The following OTOGL variants were observed in gnomAD, a reference collection of about 807,000 sequenced individuals.
OTOGL encodes the protein otogelin-like protein.
OTOGL carries 285 observed loss-of-function variants against 318.5 expected under a neutral mutation model. The observed-to-expected ratio is 0.89, with a 90% CI of 0.81 to 0.99. The LOEUF is 0.99. Ranked by LOEUF, OTOGL falls within the 50% of genes least tolerant of loss-of-function variation. OTOGL has a pLI of 0.00. For missense variants in OTOGL, 2,899 were observed against 2,845.6 expected (o/e 1.02, Z -0.43); for synonymous variants, 987 against 936.5 (o/e 1.05, Z -0.99).
chr12:80,265,403 T>C (rs1882875839), intron 20 of OTOGL, 193 bp downstream of exon 20: 7 of 654,814 alleles, frequency 1.1e-5, no homozygotes, highest in Non-Finnish European at 1.8e-5. Context: ...ATAAGACCAA[T>C]AACTTTTGAC....
chr12:80,343,526 T>TTTTCTTTTTTTTTTTTTTTTTTTTTTTC (rs1284245758), intron 44 of OTOGL: 4 of 118,156 alleles, frequency 3.4e-5, no homozygotes, highest in Admixed American at 8.8e-5. Context: ...TTTTTTTTTT[T>TTTTCTTTTTTTTTTTTTTTTTTTTTTTC]TTTTTTTTTT....
intron 3 of OTOGL, among the ~76,000 whole-genome samples, chr12:80,211,133 C>G (rs538017694): frequency 3.8e-4 from 58 of 151,900 alleles, no homozygotes; most frequent in African/African-American, 1.3e-3. Context: ...TAAAAGGAGT[C>G]TTTGATGACT....
chr12:80,172,370 A>T (rs1171949974), intron 1 of OTOGL, among the ~76,000 whole-genome samples: 2 of 152,138 alleles, frequency 1.3e-5, no homozygotes, highest in Non-Finnish European at 2.9e-5. Flanking sequence ...CAAGTCCTTG[A>T]TGTCCCTCCT....
intron 11 of OTOGL, among the ~76,000 whole-genome samples, chr12:80,248,467 T>C (rs981059061): frequency 3.5e-5 from 5 of 143,494 alleles, no homozygotes; most frequent in African/African-American, 1.4e-4. Context: ...GCAAATTCTT[T>C]TCTTTAAGAA....
intron 27 of OTOGL, among the ~76,000 whole-genome samples, chr12:80,301,194 TCTTA>T (rs1021701484): frequency 5.9e-5 from 9 of 152,224 alleles, no homozygotes; most frequent in South Asian, 2.1e-4. Context: ...GCTAAATTTG[TCTTA>T]CTTACTTTGA....
intron 1 of OTOGL, among the ~76,000 whole-genome samples, chr12:80,135,937 A>C (rs1379746501): frequency 6.6e-6 from 1 of 152,188 alleles, no homozygotes; most frequent in African/African-American, 2.4e-5. Context: ...TCCTGATTCT[A>C]TAGCAGACTG....
rs186935092 is a variant in OTOGL, at chr12:80,232,102, C to T, written c.612-790C>T. Among the ~76,000 whole-genome samples the T allele has an allele frequency of 4.5e-3, 680 of 152,238 alleles. 2 individuals are homozygous for T. Among genetic ancestry groups the T allele is most frequent in the Non-Finnish European group, 7.4e-3 (504 of 68,026 alleles). On this transcript the variant is annotated intron_variant, in intron 8 of 58. Transcript: ENST00000547103. ...TTAGTTCTCTTCAGTTACCTTATGTCACCCACTTCCTTTATATGTGCATAT... is the reference window on the plus strand; with the variant it reads ...TTAGTTCTCTTCAGTTACCTTATGTTACCCACTTCCTTTATATGTGCATAT...
chr12:80,169,223 C>A (rs1040643528), intron 1 of OTOGL, among the ~76,000 whole-genome samples: 2 of 152,154 alleles, frequency 1.3e-5, no homozygotes, highest in Admixed American at 1.3e-4. Context: ...TTTCCTAGAA[C>A]CTTATCTTCT....
chr12:80,355,279 G>T (rs1592748884), intron 46 of OTOGL, among the ~76,000 whole-genome samples: 1 of 121,280 alleles, frequency 8.2e-6, no homozygotes, highest in African/African-American at 3.2e-5. Context: ...GCACAGGCTT[G>T]AGTACAGTGG....
chr12:80,112,709 C>A lies in OTOGL; in HGVS notation c.-20+13104C>A, dbSNP rs4503610. 2.1e-5 allele frequency among the ~76,000 whole-genome samples: 3 copies of A among 140,220 alleles called. No individual in the cohort carries two copies. The South Asian group carries it at 6.5e-4, about 31-fold the overall frequency. The allele number at this position is 140,220 out of a possible 152,430, so 92.0% of individuals were successfully genotyped here. A position where few individuals can be genotyped will look rare whatever the true frequency, so the allele number is the denominator to read the frequency against. The stretch of plus-strand genomic sequence containing the variant: ...GGGATATTTGCCTGAAATTTTCTTT[C>A]TTTTTTTTTTTTTTGTTGTGTCTCT... On this transcript the variant is annotated intron_variant, in intron 1 of 58. Coordinates refer to ENST00000547103, the MANE Select transcript of OTOGL (RefSeq NM_001378609.3).
intron 11 of OTOGL, among the ~76,000 whole-genome samples, chr12:80,250,372 A>G (rs1431100077): frequency 1.3e-5 from 2 of 152,150 alleles, no homozygotes; most frequent in East Asian, 1.9e-4. Flanking sequence ...CATGGTTCCT[A>G]GAATAACATA....
intron 26 of OTOGL, among the ~76,000 whole-genome samples, chr12:80,288,205 T>C (rs1233368983): frequency 1.3e-5 from 2 of 152,162 alleles, no homozygotes; most frequent in African/African-American, 2.4e-5. Context: ...TTCTTTTCTT[T>C]AAGAATGTTG....
chr12:80,200,058 A>G (rs1876352345), intron 1 of OTOGL, among the ~76,000 whole-genome samples: 1 of 152,216 alleles, frequency 6.6e-6, no homozygotes, highest in Admixed American at 6.5e-5. Context: ...CATCATTATC[A>G]TCATTGTCAC....
intron 1 of OTOGL, among the ~76,000 whole-genome samples, chr12:80,121,160 C>A (rs1210452118): frequency 1.3e-5 from 2 of 152,142 alleles, no homozygotes; most frequent in Non-Finnish European, 2.9e-5. Context: ...CCCTGTCCTG[C>A]TTTCCTCACT....
chr12:80,180,512 G>T (rs532014089), intron 1 of OTOGL, among the ~76,000 whole-genome samples: 1 of 152,212 alleles, frequency 6.6e-6, no homozygotes, highest in Non-Finnish European at 1.5e-5. Context: ...AGGAGTCTGT[G>T]GGGGAACACT....
intron 1 of OTOGL, among the ~76,000 whole-genome samples, chr12:80,148,310 T>C (rs1168425119): frequency 2.0e-5 from 3 of 147,428 alleles, no homozygotes; most frequent in African/African-American, 5.0e-5. Context: ...CCTTCACTTA[T>C]GAAGCTTAGT....
intron 1 of OTOGL, among the ~76,000 whole-genome samples, chr12:80,151,493 C>G (rs1001560667): frequency 6.6e-6 from 1 of 151,986 alleles, no homozygotes; most frequent in Non-Finnish European, 1.5e-5. Context: ...AATGTAAGCT[C>G]TCTCTAAAAA....
chr12:80,283,028 A>T (rs1430752388), intron 26 of OTOGL, among the ~76,000 whole-genome samples: 1 of 151,934 alleles, frequency 6.6e-6, no homozygotes, highest in Non-Finnish European at 1.5e-5. Flanking sequence ...ATTGAAGTGG[A>T]CATCTGTTTG....
rs147681900 is a variant in OTOGL, at chr12:80,129,992, T to C, written c.-20+30387T>C. ...TTATTTTTGATTTATCTCCATTCTTTTCCTCCAAGTCTTGCCTATTTTTCC... is the reference window on the plus strand; with the variant it reads ...TTATTTTTGATTTATCTCCATTCTTCTCCTCCAAGTCTTGCCTATTTTTCC... On this transcript the variant is annotated intron_variant, in intron 1 of 58. Coordinates refer to ENST00000547103, the MANE Select transcript of OTOGL (RefSeq NM_001378609.3). 4.1e-3 allele frequency among the ~76,000 whole-genome samples: 619 copies of C among 152,336 alleles called. 4 individuals carry two copies. Among genetic ancestry groups the C allele is most frequent in the African/African-American group, 0.014 (596 of 41,586 alleles).
Sources: allele counts gnomAD v4.1 joint callset (sites outside exome capture counted in the v4.1 genomes callset), GRCh38; gene constraint gnomAD v4.1.1; transcripts MANE v1.5; gene names NCBI Gene and HGNC (gene_info 2026-07-23, HGNC 2026-07-21).